Variants in PITRM1 observed in about 807,000 individuals in gnomAD.
PITRM1 encodes the protein presequence protease, mitochondrial.
PITRM1 carries 100 observed loss-of-function variants against 129.9 expected under a neutral mutation model. That is an observed-to-expected ratio of 0.77 (90% CI 0.65 to 0.91). PITRM1 has a LOEUF of 0.91. Among genes scored for constraint, PITRM1 ranks in the 40% least tolerant of loss-of-function variants. The probability of loss-of-function intolerance (pLI) is 0.00; values close to 1 mark genes in which losing one functional copy is unlikely to be tolerated. For missense variants in PITRM1, 1,471 were observed against 1,318.3 expected (o/e 1.12, Z -1.79); for synonymous variants, 591 against 508.8 (o/e 1.16, Z -2.17).
chr10:3,149,541 T>A, intron 16 of PITRM1, 80 bp downstream of exon 16: 1 of 1,352,756 alleles, frequency 7.4e-7, no homozygotes, highest in Non-Finnish European at 1.0e-6. Context: ...TGAAGGTAAT[T>A]CCTACTGATG....
chr10:3,138,535 C>T, intron 25 of PITRM1, 198 bp from the exon 26 acceptor site: 2 of 613,940 alleles, frequency 3.3e-6, no homozygotes, highest in Admixed American at 5.4e-5. Context: ...CCTACCCACG[C>T]CTGCTTCTGC....
chr10:3,153,536 G>A lies in PITRM1; in HGVS notation c.1621+2055C>T, dbSNP rs113126989. ...TGGGAGGCTGAGGCGAGAAAATGAC[G>A]TGAATCCGGGAGGGGGAGCTTGCAG... is the stretch of plus-strand genomic sequence containing the variant. On this transcript the variant is annotated intron_variant, in intron 14 of 26. Coordinates refer to ENST00000224949, the MANE Select transcript of PITRM1 (RefSeq NM_014889.4). Among the ~76,000 whole-genome samples the A allele has an allele frequency of 4.8e-3, 725 of 152,046 alleles. 6 individuals carry two copies. The highest frequency in any genetic ancestry group is 0.016 in the African/African-American group (683 of 41,478).
In PITRM1 at chr10:3,140,373, C is replaced by T. The variant is rs968786802; in HGVS notation, c.2771+314G>A. ...GAATTTTCCATTTAATATTTTCAGA[C>T]CGAGGGGGACTGTGGGTAATAAACC... On this transcript the variant is annotated intron_variant, in intron 24 of 26. Coordinates refer to ENST00000224949, the MANE Select transcript of PITRM1 (RefSeq NM_014889.4). Among the ~76,000 whole-genome samples the T allele has an allele frequency of 1.4e-4, 22 of 152,088 alleles. No homozygotes were observed. The East Asian group carries it at 2.9e-3, about 20-fold the overall frequency.
chr10:3,167,132 T>G (rs2132509850), intron 2 of PITRM1, 90 bp from the exon 3 acceptor site: 2 of 727,652 alleles, frequency 2.7e-6, no homozygotes, highest in East Asian at 5.4e-5. Context: ...AACTGGCTTT[T>G]CTGCCTGAAA....
chr10:3,157,556 G>C (rs773249289), intron 11 of PITRM1, 25 bp from the exon 12 acceptor site: 3 of 1,436,834 alleles, frequency 2.1e-6, no homozygotes, highest in East Asian at 2.3e-5. Flanking sequence ...GAAGAACAAA[G>C]ATGGGCCAGA....
Position 3,138,097 on chromosome 10 carries a change from G to A in PITRM1, c.3048C>T (p.His1016=), listed in dbSNP as rs41316039. The A allele has an allele frequency of 2.8e-4, 456 of 1,610,272 alleles. No individual in the cohort carries two copies. The highest frequency in any genetic ancestry group is 9.1e-4 in the African/African-American group (68 of 74,990). Residue 1016 remains histidine, a synonymous_variant, in exon 27 of 27, where the codon CAC becomes CAT. Coordinates refer to ENST00000224949, the MANE Select transcript of PITRM1 (RefSeq NM_014889.4). ...DRYLGTGKST[H]GLAILGPENP... Reference sequence around the variant, plus strand: ...TCTCGGGTCCGAGGATGGCCAGGCCGTGTGTGCTCTTCCCAGTGCCGAGGT... The same window carrying A: ...TCTCGGGTCCGAGGATGGCCAGGCCATGTGTGCTCTTCCCAGTGCCGAGGT...
chr10:3,162,842 G>A (rs115243029), intron 7 of PITRM1, among the ~76,000 whole-genome samples: 2,827 of 152,318 alleles, frequency 0.019, 99 homozygotes, highest in African/African-American at 0.065. Context: ...AACCCGGGCC[G>A]ACCAGGTGTG....
intron 3 of PITRM1, 109 bp downstream of exon 3, chr10:3,166,827 C>A: frequency 1.6e-6 from 1 of 639,284 alleles, no homozygotes. Context: ...TTATGCGTGG[C>A]CTAAGACAGT....
At chr10:3,151,618 G>A (rs937746184) in intron 14 of PITRM1, among the ~76,000 whole-genome samples, 7 of 152,174 alleles carry the variant, frequency 4.6e-5, no homozygotes, top group African/African-American at 1.7e-4. Context: ...CTAGGAAGTG[G>A]TGGTTTGCTC....
rs540629365 is a variant in PITRM1 at position 3,157,288 on chromosome 10, G to A, written c.1347+147C>T. The A allele has an allele frequency of 6.3e-6, 4 of 634,796 alleles. No individual in the cohort carries two copies. The South Asian group carries it at 7.1e-5, about 11-fold the overall frequency. The allele number at this position is 634,796 out of a possible 1,614,324, so 39.3% of individuals were successfully genotyped here. ...AAAGCACAGGCTGAAATAATGTTTA[G>A]GAAATAACCAACAGATTACTAGTTA... On this transcript the variant is annotated intron_variant, in intron 12 of 26. Coordinates refer to ENST00000224949, the MANE Select transcript of PITRM1 (RefSeq NM_014889.4).
chr10:3,156,889 C>A, intron 13 of PITRM1, 41 bp downstream of exon 13: 2 of 1,350,290 alleles, frequency 1.5e-6, no homozygotes. Context: ...GTATAAAATT[C>A]AACTTCAAAA....
chr10:3,164,776 TAAC>T (rs554100148), intron 6 of PITRM1, among the ~76,000 whole-genome samples: 10 of 152,224 alleles, frequency 6.6e-5, no homozygotes, highest in African/African-American at 9.6e-5. Context: ...ATACTTCTCA[TAAC>T]AAAGTAAAAA....
intron 19 of PITRM1, 109 bp downstream of exon 19, chr10:3,147,463 T>C (rs990787830): frequency 1.2e-5 from 15 of 1,278,920 alleles, no homozygotes; most frequent in Non-Finnish European, 1.7e-5. Flanking sequence ...TTTAGTCAGT[T>C]AGAAAGTTAG....
chr10:3,170,788 G>C (rs1413804750), intron 1 of PITRM1, among the ~76,000 whole-genome samples: 1 of 152,064 alleles, frequency 6.6e-6, no homozygotes, highest in African/African-American at 2.4e-5. Context: ...CTGAGGTCAG[G>C]AGTTCGAGAC....
At chr10:3,169,197 C>G (rs980715070) in intron 2 of PITRM1, among the ~76,000 whole-genome samples, 2 of 152,214 alleles carry the variant, frequency 1.3e-5, no homozygotes, top group Non-Finnish European at 2.9e-5. Context: ...ACCATAAACC[C>G]AAGTGTCTTT....
chr10:3,145,674 TTCTG>T lies in PITRM1; in HGVS notation c.2375_2378del (p.Thr792LysfsTer61). 6.4e-7 allele frequency: 1 copy of T among 1,551,500 alleles called. No homozygotes were observed. Among genetic ancestry groups the T allele is most frequent in the African/African-American group, 1.4e-5 (1 of 73,254 alleles). Reference sequence around the variant, plus strand: ...TTCTAAGGAAGTCTTCGACCGCTTTTTCTGTCTGAGGCATCTGCTGAGGAGTCGC... The same window carrying T: ...TTCTAAGGAAGTCTTCGACCGCTTTTTCTGAGGCATCTGCTGAGGAGTCGC... On this transcript the variant is annotated frameshift_variant, in exon 21 of 27. Transcript: ENST00000224949. LOFTEE classifies it high-confidence loss of function.
At chr10:3,144,118 TGA>T (rs1840579668) in intron 22 of PITRM1, 172 bp downstream of exon 22, 1 of 604,722 alleles carries the variant, frequency 1.7e-6, no homozygotes, top group Non-Finnish European at 2.9e-6. Context: ...CAGTACTGTC[TGA>T]GAGAGAAAAG....
At chr10:3,158,786 T>G in intron 10 of PITRM1, 128 bp downstream of exon 10, 1 of 857,358 alleles carries the variant, frequency 1.2e-6, no homozygotes, top group Non-Finnish European at 1.8e-6. Flanking sequence ...CTTCCGATTA[T>G]AGCAATCAAA....
In PITRM1 at chr10:3,170,101, T is replaced by C. The variant is rs1388519273; in HGVS notation, c.159+3A>G. 6.2e-7 allele frequency: 1 copy of C among 1,607,506 alleles called. No homozygotes were observed. The highest frequency in any genetic ancestry group is 8.5e-7 in the Non-Finnish European group (1 of 1,173,998). ...ATAAGGAGGTGCCGAGGACGACCCA[T>C]ACCTGGTTTACGGTGAATCCATGGA... On this transcript the variant is annotated splice_donor_region_variant and intron_variant, in intron 2 of 26. Coordinates refer to ENST00000224949, the MANE Select transcript of PITRM1 (RefSeq NM_014889.4).
Sources: allele counts gnomAD v4.1 joint callset (sites outside exome capture counted in the v4.1 genomes callset), GRCh38; gene constraint gnomAD v4.1.1; transcripts MANE v1.5; gene names NCBI Gene and HGNC (gene_info 2026-07-23, HGNC 2026-07-21).